Variants in ELMO1 observed in about 807,000 individuals in gnomAD.
The protein encoded by ELMO1 is engulfment and cell motility 1.
ELMO1 carries 26 observed loss-of-function variants against 98.9 expected under a neutral mutation model. The observed-to-expected ratio is 0.26, with a 90% confidence interval of 0.19 to 0.36. ELMO1 has a LOEUF of 0.36. ELMO1 is among the 10% of genes least tolerant of loss of function. ELMO1 has a pLI of 1.00. For missense variants in ELMO1, 627 were observed against 935.2 expected, an observed-to-expected ratio of 0.67 and a Z score of 4.30; for synonymous variants, 346 against 346.0, an observed-to-expected ratio of 1.00 and a Z score of 0.00.
intron 16 of ELMO1, among the ~76,000 whole-genome samples, chr7:36,991,598 G>A (rs1465936911): frequency 1.3e-5 from 2 of 152,168 alleles, no homozygotes; most frequent in Non-Finnish European, 2.9e-5. Flanking sequence ...TATCCTCAAA[G>A]GGAGATATCA....
chr7:37,256,468 G>A (rs1363561673), intron 6 of ELMO1, among the ~76,000 whole-genome samples: 1 of 150,720 alleles, frequency 6.6e-6, no homozygotes, highest in East Asian at 1.9e-4. Flanking sequence ...ACCAACTGCA[G>A]AGGCCAGATG....
intron 7 of ELMO1, among the ~76,000 whole-genome samples, chr7:37,243,049 T>C (rs1411968093): frequency 6.6e-6 from 1 of 152,218 alleles, no homozygotes; most frequent in African/African-American, 2.4e-5. Context: ...CCGGATTTCA[T>C]AATTGTTATC....
rs1440406701 is a variant in ELMO1, at chr7:36,854,267, C to G, written c.*1284G>C. 6.6e-6 allele frequency: 1 copy of G among 152,070 alleles called. No individual in the cohort carries two copies. Among genetic ancestry groups the G allele is most frequent in the Non-Finnish European group, 1.5e-5 (1 of 68,010 alleles). The allele number at this position is 152,070 out of a possible 1,614,324, so 9.4% of individuals were successfully genotyped here. ...CCAATTCAGCAGGTCTAGGGTGGAG[C>G]TGAAGAGCTGGCATCTCCAACAAGC... On this transcript the variant is annotated 3_prime_UTR_variant, in exon 22 of 22. Transcript: ENST00000310758.
intron 15 of ELMO1, among the ~76,000 whole-genome samples, chr7:37,074,348 C>T (rs17170861): frequency 0.04 from 6,109 of 152,026 alleles, 158 homozygotes; most frequent in African/African-American, 0.069. Flanking sequence ...TTCTGTTTTG[C>T]TTCTAGAGAA....
At chr7:36,990,112 C>A (rs777261067) in intron 16 of ELMO1, among the ~76,000 whole-genome samples, 2 of 152,120 alleles carry the variant, frequency 1.3e-5, no homozygotes, top group African/African-American at 4.8e-5. Flanking sequence ...ATAGCATCTT[C>A]GAGGAAACTT....
intron 15 of ELMO1, among the ~76,000 whole-genome samples, chr7:37,045,314 A>G (rs1795738432): frequency 6.6e-6 from 1 of 152,236 alleles, no homozygotes; most frequent in Non-Finnish European, 1.5e-5. Flanking sequence ...GAAATGATGC[A>G]GGGGACATGG....
chr7:37,347,244 T>C (rs113548306), intron 1 of ELMO1, among the ~76,000 whole-genome samples: 5 of 152,342 alleles, frequency 3.3e-5, no homozygotes, highest in African/African-American at 1.2e-4. Context: ...TCACTGTTAC[T>C]TCTGATGAAA....
At chr7:36,906,792 C>T (rs1040123387) in intron 16 of ELMO1, among the ~76,000 whole-genome samples, 1 of 151,682 alleles carries the variant, frequency 6.6e-6, no homozygotes, top group Non-Finnish European at 1.5e-5. Flanking sequence ...AAAAAAAAGG[C>T]GCTTAGAAAG....
At chr7:37,303,688 G>A (rs888506288) in intron 4 of ELMO1, among the ~76,000 whole-genome samples, 8 of 152,264 alleles carry the variant, frequency 5.3e-5, no homozygotes, top group East Asian at 3.9e-4. Flanking sequence ...GGAAACCCAC[G>A]TGTCACTCAT....
At chr7:37,362,080 T>C (rs978846720) in intron 1 of ELMO1, among the ~76,000 whole-genome samples, 1 of 152,144 alleles carries the variant, frequency 6.6e-6, no homozygotes, top group African/African-American at 2.4e-5. Context: ...CGAGGTAGCA[T>C]GAAGAAAATA....
chr7:37,047,136 G>A (rs1185871005), intron 15 of ELMO1, among the ~76,000 whole-genome samples: 3 of 152,234 alleles, frequency 2.0e-5, no homozygotes, highest in Non-Finnish European at 1.5e-5. Context: ...AATGTCTACA[G>A]GCATAGAGCT....
intron 13 of ELMO1, among the ~76,000 whole-genome samples, chr7:37,134,470 A>C (rs369171594): frequency 6.6e-6 from 1 of 150,742 alleles, no homozygotes; most frequent in East Asian, 2.0e-4. Context: ...GAGGCAGGAG[A>C]TTAGCTTGAA....
intron 4 of ELMO1, among the ~76,000 whole-genome samples, chr7:37,283,406 A>T (rs573839223): frequency 6.6e-6 from 1 of 152,268 alleles, no homozygotes; most frequent in South Asian, 2.1e-4. Context: ...GCACATACCT[A>T]CTTTTTGCCT....
chr7:37,185,379 G>T (rs1242999397), intron 13 of ELMO1, among the ~76,000 whole-genome samples: 2 of 152,018 alleles, frequency 1.3e-5, no homozygotes, highest in Non-Finnish European at 2.9e-5. Flanking sequence ...AAATAACATT[G>T]TATTTTAATT....
At chr7:36,919,948 A>G (rs1785014725) in intron 16 of ELMO1, among the ~76,000 whole-genome samples, 1 of 152,214 alleles carries the variant, frequency 6.6e-6, no homozygotes, top group Non-Finnish European at 1.5e-5. Flanking sequence ...GGAACGCCCT[A>G]TGAGATGCCA....
intron 18 of ELMO1, among the ~76,000 whole-genome samples, chr7:36,880,074 C>G (rs748433391): frequency 6.6e-6 from 1 of 152,208 alleles, no homozygotes; most frequent in African/African-American, 2.4e-5. Flanking sequence ...CCCTGCCCTA[C>G]GTGGCTGTGA....
chr7:37,121,238 G>A (rs980364778), intron 14 of ELMO1, among the ~76,000 whole-genome samples: 7 of 152,202 alleles, frequency 4.6e-5, no homozygotes, highest in Non-Finnish European at 8.8e-5. Context: ...CCAAAGGAAC[G>A]CAGCTCCTCA....
In ELMO1 at chr7:37,233,109, C is replaced by T; in HGVS notation, c.535G>A (p.Ala179Thr). ...GIVSWDTFSV[A>T]FIKKIASFVN... ...GTCCACCTTACCTTCTTAATGAACG[C>T]CACCGAAAATGTATCCCAGGACACT... The change falls in exon 8 of 22, where the codon GCG becomes ACG. Residue 179 changes from alanine (A) to threonine (T), a missense_variant. Ala to Thr is a moderately conservative substitution (Grantham distance 58). Transcript: ENST00000310758. The T allele has an allele frequency of 1.9e-6, 3 of 1,613,334 alleles. No individual in the cohort carries two copies. The highest frequency in any genetic ancestry group is 2.5e-6 in the Non-Finnish European group (3 of 1,179,690).
At chr7:37,123,488 A>G (rs1001814733) in intron 14 of ELMO1, among the ~76,000 whole-genome samples, 9 of 152,340 alleles carry the variant, frequency 5.9e-5, no homozygotes, top group African/African-American at 1.9e-4. Context: ...ACAAACTACC[A>G]TCGGAGAATA....
Sources: allele counts gnomAD v4.1 joint callset (sites outside exome capture counted in the v4.1 genomes callset), GRCh38; gene constraint gnomAD v4.1.1; transcripts MANE v1.5; gene names NCBI Gene and HGNC (gene_info 2026-07-23, HGNC 2026-07-21).